The following MYO9A variants were observed in gnomAD, a reference collection of about 807,000 sequenced individuals.
MYO9A encodes the protein myosin IXA.
Under a neutral mutation model 293.3 loss-of-function variants are expected in MYO9A, and 103 were observed. That is an observed-to-expected ratio of 0.35 (90% CI 0.30 to 0.41). The LOEUF (loss-of-function observed/expected upper bound fraction) is 0.41. Ranked by LOEUF, MYO9A falls within the 10% of genes least tolerant of loss-of-function variation. MYO9A has a pLI of 1.00. For missense variants in MYO9A, 2,685 were observed against 3,033.0 expected (o/e 0.89, Z 2.69); for synonymous variants, 1,001 against 1,035.7 (o/e 0.97, Z 0.64).
chr15:72,073,302 A>G (rs981645785), intron 1 of MYO9A, among the ~76,000 whole-genome samples: 11 of 152,238 alleles, frequency 7.2e-5, no homozygotes, highest in East Asian at 3.8e-4. Context: ...CCTGTAACAA[A>G]AATGGATCAG....
intron 8 of MYO9A, among the ~76,000 whole-genome samples, chr15:72,004,479 C>G (rs1461380259): frequency 2.0e-5 from 3 of 152,136 alleles, no homozygotes; most frequent in Admixed American, 2.0e-4. Context: ...ATGGCTTGGA[C>G]CCGGGAGGCA....
At chr15:71,926,855 T>C (rs1227238965) in intron 18 of MYO9A, among the ~76,000 whole-genome samples, 1 of 152,172 alleles carries the variant, frequency 6.6e-6, no homozygotes, top group Non-Finnish European at 1.5e-5. Flanking sequence ...ATAGTGGTTC[T>C]GTAGGTTTCA....
rs748540021 is a variant in MYO9A, at chr15:71,899,963, G to A, written c.3194C>T (p.Ala1065Val). 1.2e-6 allele frequency: 2 copies of A among 1,613,044 alleles called. No individual in the cohort carries two copies. Among genetic ancestry groups the A allele is most frequent in the East Asian group, 2.2e-5 (1 of 44,846 alleles). The change falls in exon 24 of 42, where the codon GCA becomes GTA. Residue 1065 changes from alanine (A) to valine (V), a missense_variant. Ala to Val is a moderately conservative substitution (Grantham distance 64). Transcript: ENST00000356056. ...AACAAAAGCATCCTTCTGCACAGCT[G>A]CATCTCTGACTTGCTTCTGATTTAG... is the stretch of plus-strand genomic sequence containing the variant. ...NYLNQKQVRD[A>V]AVQKDAFVMA... is the part of the protein sequence containing the mutation.
chr15:71,971,638 T>C (rs1410893231), intron 12 of MYO9A, among the ~76,000 whole-genome samples: 1 of 151,540 alleles, frequency 6.6e-6, no homozygotes, highest in African/African-American at 2.4e-5. Context: ...ACTACCTCAG[T>C]TGCTGTTTAC....
intron 2 of MYO9A, among the ~76,000 whole-genome samples, chr15:72,042,297 TGA>T (rs1344667422): frequency 6.6e-6 from 1 of 151,716 alleles, no homozygotes; most frequent in African/African-American, 2.4e-5. Flanking sequence ...CCCAGGAGAT[TGA>T]GACCAGCCTG....
chr15:72,087,856 G>A (rs1485376131), intron 1 of MYO9A, among the ~76,000 whole-genome samples: 1 of 152,040 alleles, frequency 6.6e-6, no homozygotes, highest in Non-Finnish European at 1.5e-5. Flanking sequence ...CTGTCGTTAT[G>A]TACTGAACTG....
At chr15:71,992,430 T>C (rs1316110401) in intron 10 of MYO9A, among the ~76,000 whole-genome samples, 5 of 152,208 alleles carry the variant, frequency 3.3e-5, no homozygotes, top group South Asian at 4.1e-4. Context: ...CAAACTGATA[T>C]GATGAATGAA....
chr15:71,854,378 T>C lies in MYO9A; in HGVS notation c.6345A>G (p.Thr2115=), dbSNP rs1425763713. The change falls in exon 35 of 42, where the codon ACA becomes ACG. Residue 2115 remains threonine (T), a splice_region_variant and synonymous_variant. Coordinates refer to ENST00000356056, the MANE Select transcript of MYO9A (RefSeq NM_006901.4). ...KIKELRQGLD[T]DAESVNLDDY... ...ATGATTTAGAGGGCACTATCTTACC[T>C]GTATCTAGACCCTGCCGAAGCTCCT... is the stretch of plus-strand genomic sequence containing the variant. The C allele has an allele frequency of 1.3e-6, 2 of 1,552,906 alleles. No homozygotes were observed. Among genetic ancestry groups the C allele is most frequent in the Non-Finnish European group, 1.7e-6 (2 of 1,153,440 alleles).
chr15:72,050,452 C>A, intron 1 of MYO9A, among the ~76,000 whole-genome samples: 1 of 152,040 alleles, frequency 6.6e-6, no homozygotes, highest in East Asian at 1.9e-4. Flanking sequence ...ACTGAAAATA[C>A]AAAAATTAGC....
chr15:72,003,113 T>C (rs1467237611), intron 8 of MYO9A, among the ~76,000 whole-genome samples: 1 of 150,970 alleles, frequency 6.6e-6, no homozygotes, highest in Non-Finnish European at 1.5e-5. Context: ...CTACTAAAAA[T>C]ACAAAATTAG....
intron 16 of MYO9A, among the ~76,000 whole-genome samples, chr15:71,938,026 G>A (rs1406210009): frequency 2.0e-5 from 3 of 152,122 alleles, no homozygotes; most frequent in Admixed American, 2.0e-4. Context: ...CATTCAAAGT[G>A]AATATATTTG....
intron 19 of MYO9A, 101 bp downstream of exon 19, chr15:71,916,269 A>G: frequency 1.5e-6 from 2 of 1,365,648 alleles, no homozygotes; most frequent in South Asian, 3.3e-5. Flanking sequence ...TAGTCACATA[A>G]ATTAAAATCC....
chr15:71,960,379 CCT>C (rs1444247357), intron 13 of MYO9A: 1 of 336,512 alleles, frequency 3.0e-6, no homozygotes, highest in African/African-American at 2.1e-5. Flanking sequence ...CATCTCGTTC[CCT>C]CTCTCTTGCC....
intron 4 of MYO9A, among the ~76,000 whole-genome samples, chr15:72,025,095 A>G (rs2077622725): frequency 6.6e-6 from 1 of 152,198 alleles, no homozygotes. Flanking sequence ...GACAAGCTTT[A>G]GACTCAAAGA....
At chr15:71,937,907 G>C (rs1028001195) in intron 16 of MYO9A, among the ~76,000 whole-genome samples, 1 of 152,082 alleles carries the variant, frequency 6.6e-6, no homozygotes, top group South Asian at 2.1e-4. Context: ...TTGTGTTCGG[G>C]TAAAATTTAA....
At chr15:71,974,544 C>A (rs1459893764) in intron 12 of MYO9A, among the ~76,000 whole-genome samples, 1 of 152,104 alleles carries the variant, frequency 6.6e-6, no homozygotes, top group African/African-American at 2.4e-5. Flanking sequence ...TTTTTCTCTC[C>A]GCTACCAGAT....
In MYO9A at chr15:71,999,344, T is replaced by G. The variant is rs148047919; in HGVS notation, c.1470+507A>C. On this transcript the variant is annotated intron_variant, in intron 9 of 41. Transcript: ENST00000356056. ...AGTATACAGATGGTATTTAAAGTGATGGGACTGGGTAAGATAACCTCAATG... is the reference window on the plus strand; with the variant it reads ...AGTATACAGATGGTATTTAAAGTGAGGGGACTGGGTAAGATAACCTCAATG... Among the ~76,000 whole-genome samples, 29 of 152,070 alleles carry G rather than the reference T, an allele frequency of 1.9e-4. No individual in the cohort carries two copies. In the East Asian group the frequency reaches 5.4e-3, roughly 28 times the overall value.
intron 6 of MYO9A, among the ~76,000 whole-genome samples, chr15:72,010,818 T>C (rs2148953938): frequency 6.6e-6 from 1 of 152,300 alleles, no homozygotes; most frequent in Non-Finnish European, 1.5e-5. Context: ...CGCTCAATTC[T>C]ACCAGCAAAT....
intron 14 of MYO9A, among the ~76,000 whole-genome samples, chr15:71,955,177 G>T (rs1228824671): frequency 2.0e-5 from 3 of 150,898 alleles, no homozygotes; most frequent in Non-Finnish European, 4.4e-5. Flanking sequence ...GCCCAGGCTG[G>T]AGTGCAATGG....
Sources: gnomAD v4.1 joint callset for allele counts (sites outside exome capture counted in the v4.1 genomes callset) on GRCh38, gnomAD v4.1.1 for gene constraint, MANE v1.5 for transcripts, NCBI Gene and HGNC (gene_info 2026-07-23, HGNC 2026-07-21) for gene names.